Variants in TENM2 observed in about 807,000 individuals in gnomAD.
The protein encoded by TENM2 is teneurin transmembrane protein 2.
TENM2 carries 52 observed loss-of-function variants against 245.2 expected under a neutral mutation model. That is an observed-to-expected ratio of 0.21 (90% CI 0.17 to 0.27). TENM2 has a LOEUF of 0.27. Ranked by LOEUF, TENM2 falls within the 10% of genes least tolerant of loss-of-function variation. The pLI is 1.00. For synonymous variants in TENM2, 1,363 were observed against 1,438.9 expected, an observed-to-expected ratio of 0.95 and a Z score of 1.19; for missense variants, 3,046 against 3,666.8, an observed-to-expected ratio of 0.83 and a Z score of 4.37.
intron 10 of TENM2, 64 bp from the exon 13 acceptor site, chr5:168,124,786 A>G: frequency 1.4e-6 from 2 of 1,473,820 alleles, no homozygotes; most frequent in Non-Finnish European, 9.1e-7. Flanking sequence ...CCCATGTCTC[A>G]TGGTCCATCC....
chr5:167,246,181 A>G, the TENM2 span, among the ~76,000 whole-genome samples: 1 of 152,054 alleles, frequency 6.6e-6, no homozygotes, highest in Non-Finnish European at 1.5e-5. Context: ...CCCAAGTAAT[A>G]CTCTGCAGCT....
intron 2 of TENM2, among the ~76,000 whole-genome samples, chr5:167,727,803 C>T (rs1048413581): frequency 2.6e-5 from 4 of 152,222 alleles, no homozygotes; most frequent in Non-Finnish European, 4.4e-5. Flanking sequence ...TAATGCCACA[C>T]AGCTGTTAAG....
intron 2 of TENM2, among the ~76,000 whole-genome samples, chr5:167,522,511 T>C (rs1446508580): frequency 6.6e-6 from 1 of 151,866 alleles, no homozygotes; most frequent in African/African-American, 2.4e-5. Flanking sequence ...TTTTTTCCCA[T>C]TTGTGAAATG....
At chr5:167,828,659 A>G (rs1176006646) in intron 2 of TENM2, among the ~76,000 whole-genome samples, 1 of 152,190 alleles carries the variant, frequency 6.6e-6, no homozygotes, top group African/African-American at 2.4e-5. Context: ...AGATAGACGA[A>G]AAAATATATT....
intron 2 of TENM2, among the ~76,000 whole-genome samples, chr5:167,683,263 C>CTTTT (rs1358544068): frequency 0.32 from 48,088 of 148,674 alleles, 9,274 homozygotes; most frequent in African/African-American, 0.53. Flanking sequence ...TTTTTTTTCC[C>CTTTT]CCCCTGGGCA....
chr5:167,634,901 T>G (rs1049792324), intron 2 of TENM2, among the ~76,000 whole-genome samples: 1 of 152,310 alleles, frequency 6.6e-6, no homozygotes, highest in Admixed American at 6.5e-5. Flanking sequence ...AAATAAGTAT[T>G]CATGAACATA....
intron 7 of TENM2, among the ~76,000 whole-genome samples, chr5:168,075,474 C>A (rs1375022861): frequency 3.9e-5 from 6 of 152,156 alleles, no homozygotes; most frequent in African/African-American, 1.4e-4. Flanking sequence ...TAAGCACCAC[C>A]ACAGCCATAA....
At chr5:167,364,176 C>CT (rs931460956) in intron 1 of TENM2, among the ~76,000 whole-genome samples, 5 of 151,880 alleles carry the variant, frequency 3.3e-5, no homozygotes, top group Admixed American at 6.6e-5. Flanking sequence ...ATGACTGAGA[C>CT]TTTTTTTATA....
chr5:168,233,479 C>T (rs1352798933), intron 25 of TENM2, among the ~76,000 whole-genome samples: 1 of 152,188 alleles, frequency 6.6e-6, no homozygotes. Context: ...TCTATAGGCG[C>T]CTTCTTAATG....
the TENM2 span, among the ~76,000 whole-genome samples, chr5:167,031,553 T>C: frequency 6.6e-6 from 1 of 152,144 alleles, no homozygotes; most frequent in East Asian, 1.9e-4. Flanking sequence ...TATTTCCTTG[T>C]ATTCTGTTGC....
rs560993766 is a variant in TENM2 at position 168,148,124 on chromosome 5, A to C, written c.2423-14487A>C. Among the ~76,000 whole-genome samples the C allele has an allele frequency of 1.1e-4, 16 of 152,344 alleles. No homozygotes were observed. The East Asian group carries it at 3.1e-3, about 29-fold the overall frequency. On this transcript the variant is annotated intron_variant, in intron 12 of 28. Coordinates refer to ENST00000518659, the Ensembl canonical transcript of TENM2. Reference sequence around the variant, plus strand: ...GGGAGTGTGTACGTGTGGAAACTGCAGGTTAGCAGCTGAGTACCAGCTCCC... The same window carrying C: ...GGGAGTGTGTACGTGTGGAAACTGCCGGTTAGCAGCTGAGTACCAGCTCCC...
the TENM2 span, among the ~76,000 whole-genome samples, chr5:167,117,093 G>A: frequency 6.6e-6 from 1 of 152,184 alleles, no homozygotes; most frequent in African/African-American, 2.4e-5. Context: ...GTTCATGGTG[G>A]TATACCTAAG....
chr5:167,947,804 A>G (rs1354903946), intron 3 of TENM2, among the ~76,000 whole-genome samples: 2 of 152,094 alleles, frequency 1.3e-5, no homozygotes, highest in Non-Finnish European at 2.9e-5. Context: ...TTAAAGACCA[A>G]CCATTGGCAT....
At chr5:167,143,323 C>T in the TENM2 span, among the ~76,000 whole-genome samples, 4 of 152,292 alleles carry the variant, frequency 2.6e-5, no homozygotes, top group South Asian at 4.1e-4. Context: ...TAATTGTGTT[C>T]GCCTTTACCC....
chr5:167,774,131 C>A (rs1763580870), intron 2 of TENM2, among the ~76,000 whole-genome samples: 1 of 123,900 alleles, frequency 8.1e-6, no homozygotes, highest in African/African-American at 3.0e-5. Flanking sequence ...CAATTGTCAT[C>A]TCAATAATAA....
At chr5:167,966,440 T>C (rs1781392237) in intron 4 of TENM2, among the ~76,000 whole-genome samples, 1 of 152,204 alleles carries the variant, frequency 6.6e-6, no homozygotes, top group African/African-American at 2.4e-5. Flanking sequence ...GAAAAAGAAT[T>C]GAGCATGTTG....
intron 2 of TENM2, among the ~76,000 whole-genome samples, chr5:167,648,551 C>T (rs1431878230): frequency 6.6e-6 from 1 of 152,136 alleles, no homozygotes; most frequent in Non-Finnish European, 1.5e-5. Flanking sequence ...GTACCTTCCT[C>T]ATTTTCTCCT....
intron 2 of TENM2, among the ~76,000 whole-genome samples, chr5:167,824,293 A>G (rs559851120): frequency 1.3e-5 from 2 of 152,288 alleles, no homozygotes; most frequent in South Asian, 4.1e-4. Context: ...ACCACCACCA[A>G]GGATCTCCTA....
At chr5:168,144,529 C>A (rs2152409310) in intron 12 of TENM2, among the ~76,000 whole-genome samples, 1 of 151,908 alleles carries the variant, frequency 6.6e-6, no homozygotes, top group East Asian at 1.9e-4. Context: ...TTTATGGCTG[C>A]ATAGTATTCC....
Sources: allele counts gnomAD v4.1 joint callset (sites outside exome capture counted in the v4.1 genomes callset), GRCh38; gene constraint gnomAD v4.1.1; transcripts MANE v1.5; gene names NCBI Gene and HGNC (gene_info 2026-07-23, HGNC 2026-07-21).